The following CASK variants were observed in gnomAD, a reference collection of about 807,000 sequenced individuals.
CASK encodes the protein peripheral plasma membrane protein CASK.
A neutral mutation model predicts 82.9 loss-of-function variants in CASK; 4 were observed. That is an observed-to-expected ratio of 0.05 (90% CI 0.02 to 0.11). The LOEUF (loss-of-function observed/expected upper bound fraction) is 0.11, where lower values mean the gene tolerates loss of function less well. Among genes scored for constraint, CASK ranks in the 10% least tolerant of loss-of-function variants. The pLI is 1.00. For synonymous variants in CASK, 259 were observed against 253.5 expected (o/e 1.02, Z -0.20); for missense variants, 358 against 720.9 (o/e 0.50, Z 5.76).
At chrX:41,581,392 A>C (rs1483533197) in intron 14 of CASK, among the ~76,000 whole-genome samples, 4 of 110,346 alleles carry the variant, frequency 3.6e-5, no homozygotes, top group Admixed American at 1.9e-4. Context: ...AAAAAAAAAA[A>C]ACACAGAATT....
intron 2 of CASK, among the ~76,000 whole-genome samples, chrX:41,800,319 A>C (rs1314878068): frequency 1.8e-5 from 2 of 110,297 alleles, no homozygotes; most frequent in Non-Finnish European, 3.8e-5. Flanking sequence ...CCTGCTTCAG[A>C]GGGAGGATCT....
intron 3 of CASK, among the ~76,000 whole-genome samples, chrX:41,778,529 C>A (rs2069410343): frequency 1.8e-5 from 2 of 111,366 alleles, no homozygotes; most frequent in East Asian, 5.6e-4. Flanking sequence ...CCGTGCCTGG[C>A]CAATAACTTT....
chrX:41,598,886 T>C (rs935981031), intron 12 of CASK, among the ~76,000 whole-genome samples: 1 of 112,202 alleles, frequency 8.9e-6, no homozygotes, highest in African/African-American at 3.2e-5. Flanking sequence ...AGCACTCAAA[T>C]AATAGTCATA....
Position 41,610,652 on chromosome X carries a change from T to C in CASK, c.1034-627A>G, listed in dbSNP as rs761917997. The stretch of plus-strand genomic sequence containing the variant: ...TTACTCAGAAGATAAAGACAAAGTA[T>C]AGGGACGCTGACTGACACTTCCAAA... On this transcript the variant is annotated intron_variant, in intron 11 of 26. Coordinates refer to ENST00000378163, the MANE Select transcript of CASK (RefSeq NM_001367721.1). Among the ~76,000 whole-genome samples the C allele has an allele frequency of 7.2e-4, 80 of 111,648 alleles. No individual in the cohort carries two copies. In the Middle Eastern group the frequency reaches 0.014, roughly 19 times the overall value.
chrX:41,870,439 A>G (rs1344570649), intron 1 of CASK, among the ~76,000 whole-genome samples: 1 of 112,194 alleles, frequency 8.9e-6, no homozygotes, highest in African/African-American at 3.2e-5. Flanking sequence ...GCAGATCCAC[A>G]CTACACAAAT....
intron 18 of CASK, chrX:41,559,540 A>G: frequency 2.5e-6 from 1 of 404,429 alleles, no homozygotes; most frequent in Non-Finnish European, 4.4e-6. Context: ...TAACTTCTCT[A>G]CATTTTGCTC....
At chrX:41,675,710 C>T (rs2067255581) in intron 5 of CASK, 2 of 1,094,986 alleles carry the variant, frequency 1.8e-6, no homozygotes, top group Non-Finnish European at 2.5e-6. Context: ...GACAAATGGT[C>T]TACTGTGTAA....
chrX:41,526,437 C>A (rs1191517717), intron 25 of CASK, among the ~76,000 whole-genome samples: 1 of 112,311 alleles, frequency 8.9e-6, no homozygotes, highest in Non-Finnish European at 1.9e-5. Flanking sequence ...AGTGGCCCAG[C>A]CTGCCAGCTA....
At chrX:41,663,827 G>C in intron 7 of CASK, among the ~76,000 whole-genome samples, 1 of 111,957 alleles carries the variant, frequency 8.9e-6, no homozygotes, top group Non-Finnish European at 1.9e-5. Context: ...CTATGCCTGA[G>C]TTAGCTATCA....
At chrX:41,592,802 T>C (rs1569326620) in intron 12 of CASK, among the ~76,000 whole-genome samples, 1 of 111,840 alleles carries the variant, frequency 8.9e-6, no homozygotes, top group Non-Finnish European at 1.9e-5. Flanking sequence ...ATATACTCAT[T>C]CACTTAACCT....
chrX:41,772,602 T>A (rs2069266574), intron 3 of CASK, among the ~76,000 whole-genome samples: 1 of 111,121 alleles, frequency 9.0e-6, no homozygotes, highest in African/African-American at 3.3e-5. Context: ...GACACAGTAA[T>A]GAATAAAAAC....
intron 8 of CASK, among the ~76,000 whole-genome samples, chrX:41,651,004 C>G (rs1429520999): frequency 8.9e-6 from 1 of 112,078 alleles, no homozygotes; most frequent in East Asian, 2.8e-4. Context: ...AAAGAGCCGT[C>G]TTAAACTTTT....
At chrX:41,750,762 T>C (rs950750078) in intron 3 of CASK, among the ~76,000 whole-genome samples, 4 of 112,444 alleles carry the variant, frequency 3.6e-5, no homozygotes, top group Admixed American at 9.5e-5. Context: ...GCACAAGGTA[T>C]TACTGGCTGC....
chrX:41,533,873 G>A (rs2064840231), intron 24 of CASK, among the ~76,000 whole-genome samples: 1 of 111,377 alleles, frequency 9.0e-6, no homozygotes, highest in Non-Finnish European at 1.9e-5. Flanking sequence ...GGTCAGGCTG[G>A]TCTCAAACTC....
chrX:41,630,735 G>A (rs947764516), intron 9 of CASK, among the ~76,000 whole-genome samples: 5 of 111,673 alleles, frequency 4.5e-5, no homozygotes, highest in East Asian at 2.8e-4. Flanking sequence ...GTGTGACAAA[G>A]AAATTTGAAA....
At chrX:41,749,736 T>G (rs1169154054) in intron 3 of CASK, among the ~76,000 whole-genome samples, 4 of 110,983 alleles carry the variant, frequency 3.6e-5, no homozygotes, top group Non-Finnish European at 7.5e-5. Context: ...ACTTTTAAAA[T>G]CATTTTGTCA....
chrX:41,851,769 C>T (rs755251267), intron 2 of CASK, among the ~76,000 whole-genome samples: 2 of 111,487 alleles, frequency 1.8e-5, no homozygotes, highest in Non-Finnish European at 3.8e-5. Context: ...CTGACTTAGA[C>T]TTGTGATTTA....
chrX:41,829,034 T>C (rs1016447599), intron 2 of CASK, among the ~76,000 whole-genome samples: 20 of 112,384 alleles, frequency 1.8e-4, no homozygotes, highest in African/African-American at 5.5e-4. Flanking sequence ...AATACTTTTG[T>C]GAACAAGTCA....
At chrX:41,794,668 T>C (rs1385180560) in intron 2 of CASK, among the ~76,000 whole-genome samples, 1 of 112,381 alleles carries the variant, frequency 8.9e-6, no homozygotes, top group Non-Finnish European at 1.9e-5. Flanking sequence ...ACAGAATGCA[T>C]ACATTTGTCA....
Sources: allele counts gnomAD v4.1 joint callset (sites outside exome capture counted in the v4.1 genomes callset), GRCh38; gene constraint gnomAD v4.1.1; transcripts MANE v1.5; gene names NCBI Gene and HGNC (gene_info 2026-07-23, HGNC 2026-07-21).